The following CCDC141 variants were observed in gnomAD, a reference collection of about 807,000 sequenced individuals.
CCDC141 encodes coiled-coil domain containing 141, also known as coiled-coil domain-containing protein 141.
In CCDC141, 168 loss-of-function variants were observed where a neutral mutation model predicts 181.0. The ratio of observed to expected loss-of-function variants is 0.93; its 90% CI spans 0.82 to 1.05. CCDC141 has a LOEUF of 1.05. CCDC141 is among the 50% of genes least tolerant of loss of function. CCDC141 has a pLI of 0.00. For missense variants in CCDC141, 1,902 were observed against 1,788.5 expected (o/e 1.06, Z -1.14); for synonymous variants, 666 against 642.3 (o/e 1.04, Z -0.56).
At chr2:178,823,188 C>CT in the CCDC141 span, among the ~76,000 whole-genome samples, 149,424 of 152,248 alleles carry the variant, frequency 0.98, 73,385 homozygotes, top group Middle Eastern at 1. Context: ...TATTTTTTCT[C>CT]TGAGTTGGAG....
Position 178,865,807 on chromosome 2 carries a change from C to A in CCDC141, c.2684G>T (p.Arg895Leu), listed in dbSNP as rs769888703. 6.2e-7 allele frequency: 1 copy of A among 1,601,310 alleles called. No individual in the cohort carries two copies. The highest frequency in any genetic ancestry group is 8.5e-7 in the Non-Finnish European group (1 of 1,173,834). Residue 895 changes from arginine (R) to leucine (L), a missense_variant, in exon 17 of 24, where the codon CGT becomes CTT. By Grantham distance (102) the Arg-to-Leu change is moderately radical (BLOSUM62 -2). Transcript: ENST00000443758. ...TCTCATGGCGCAGTACTCCACACTA[C>A]GGGACAGGGTCCGTCCATACTCCTC... ...KAEEYGRTLSRSVEYCAMRDE... is the reference protein window; with the variant it reads ...KAEEYGRTLSLSVEYCAMRDE...
At chr2:178,823,987 TA>T in the CCDC141 span, among the ~76,000 whole-genome samples, 6 of 152,080 alleles carry the variant, frequency 3.9e-5, no homozygotes, top group Admixed American at 1.3e-4. Context: ...GGTGTTTTTC[TA>T]ACCTGATCAC....
chr2:179,045,811 G>A lies in CCDC141; in HGVS notation c.225+1473C>T, dbSNP rs193071247. On this transcript the variant is annotated intron_variant, in intron 2 of 23. Coordinates refer to ENST00000443758, the MANE Select transcript of CCDC141 (RefSeq NM_173648.4). ...ACACTTCTCAAAAGAAGACATTTAT[G>A]CAGCCAAAAAACACATAATGGGGTT... 2.6e-5 allele frequency among the ~76,000 whole-genome samples: 4 copies of A among 152,262 alleles called. 1 individual carries two copies. In the East Asian group the frequency reaches 7.7e-4, roughly 29 times the overall value.
intron 2 of CCDC141, among the ~76,000 whole-genome samples, chr2:179,003,602 T>C (rs2154383662): frequency 6.6e-6 from 1 of 152,306 alleles, no homozygotes; most frequent in East Asian, 1.9e-4. Context: ...TAACTACTAT[T>C]ATTATTGTGT....
At chr2:178,901,886 G>A (rs1687712465) in intron 8 of CCDC141, among the ~76,000 whole-genome samples, 1 of 152,162 alleles carries the variant, frequency 6.6e-6, no homozygotes, top group Admixed American at 6.5e-5. Context: ...ATCTCCTTAA[G>A]CTGATAAGCA....
At chr2:178,868,964 A>C (rs1307659037) in intron 15 of CCDC141, among the ~76,000 whole-genome samples, 153 bp downstream of exon 15, 1 of 152,186 alleles carries the variant, frequency 6.6e-6, no homozygotes, top group Non-Finnish European at 1.5e-5. Context: ...AAAAGGAAGA[A>C]TAGGAACATA....
At chr2:179,025,414 G>A (rs951935402) in intron 2 of CCDC141, among the ~76,000 whole-genome samples, 9 of 152,098 alleles carry the variant, frequency 5.9e-5, no homozygotes, top group East Asian at 1.9e-4. Flanking sequence ...ACTCTCACGA[G>A]ATCTGATGGT....
rs777663150 is a variant in CCDC141 at position 178,868,248 on chromosome 2, A to C, written c.2395-43T>G. ...AACAATTAACCTGGGTTTTATATGA[A>C]GACAAATTTTTTTTTAAGCCTAATT... On this transcript the variant is annotated intron_variant, in intron 15 of 23. Coordinates refer to ENST00000443758, the MANE Select transcript of CCDC141 (RefSeq NM_173648.4). 3.9e-6 allele frequency: 6 copies of C among 1,549,726 alleles called. No homozygotes were observed. In the Admixed American group the frequency reaches 5.3e-5, roughly 14 times the overall value.
the CCDC141 span, among the ~76,000 whole-genome samples, chr2:178,824,061 A>AAAACACACAC: frequency 2.0e-5 from 3 of 147,524 alleles, no homozygotes; most frequent in Non-Finnish European, 4.5e-5. Flanking sequence ...TACAGAGAAA[A>AAAACACACAC]ACACACACAC....
At chr2:178,871,699 C>T (rs1386295399) in intron 13 of CCDC141, 147 bp from the exon 14 acceptor site, 6 of 919,108 alleles carry the variant, frequency 6.5e-6, no homozygotes, top group Middle Eastern at 6.8e-4. Context: ...GGTTCTAAAC[C>T]ACCAAGAAGT....
At chr2:179,023,810 T>A (rs932454275) in intron 2 of CCDC141, among the ~76,000 whole-genome samples, 1 of 152,238 alleles carries the variant, frequency 6.6e-6, no homozygotes, top group African/African-American at 2.4e-5. Context: ...CAAATGGCCC[T>A]GCTCTACCCA....
intron 2 of CCDC141, among the ~76,000 whole-genome samples, chr2:178,994,658 T>C (rs1650455449): frequency 6.6e-6 from 1 of 152,156 alleles, no homozygotes; most frequent in Admixed American, 6.5e-5. Context: ...TCTCAGAAAA[T>C]GGGATTTTCT....
In CCDC141 at chr2:178,984,426, G is replaced by C. The variant is rs1191662780; in HGVS notation, c.226-5751C>G. Among the ~76,000 whole-genome samples the C allele has an allele frequency of 2.7e-5, 4 of 150,784 alleles. No homozygotes were observed. The South Asian group carries it at 8.4e-4, about 32-fold the overall frequency. On this transcript the variant is annotated intron_variant, in intron 2 of 23. Transcript: ENST00000443758. ...CATCAACTAACGAGCAAAATCACCA[G>C]CTAACATCATAATGACAGGATCAAA...
chr2:178,839,706 A>G (rs769261502), intron 22 of CCDC141, among the ~76,000 whole-genome samples: 1 of 152,018 alleles, frequency 6.6e-6, no homozygotes, highest in Non-Finnish European at 1.5e-5. Flanking sequence ...ACTTAGCGAA[A>G]GTGGTTTCCT....
In CCDC141 at chr2:178,906,882, C is replaced by G. The variant is rs1038688847; in HGVS notation, c.1093-1381G>C. On this transcript the variant is annotated intron_variant, in intron 7 of 23. Transcript: ENST00000443758. ...GGAGGTACACAAATGCGCTCATGCC[C>G]CTGTGCCTGCTGCCATCTCAGGGGG... Among the ~76,000 whole-genome samples the G allele has an allele frequency of 2.0e-5, 3 of 152,190 alleles. No individual in the cohort carries two copies. The South Asian group carries it at 6.2e-4, about 32-fold the overall frequency.
intron 14 of CCDC141, among the ~76,000 whole-genome samples, chr2:178,869,781 C>G (rs761665635): frequency 2.0e-5 from 3 of 152,184 alleles, no homozygotes; most frequent in Non-Finnish European, 2.9e-5. Context: ...ACCAGCTGAA[C>G]AGCATAGTAG....
chr2:178,924,486 G>T (rs1404726580), intron 6 of CCDC141, among the ~76,000 whole-genome samples: 2 of 151,262 alleles, frequency 1.3e-5, no homozygotes, highest in East Asian at 1.9e-4. Flanking sequence ...GTCTGCTTAA[G>T]ATTTTTTTTT....
At chr2:178,901,179 AAGG>A (rs1687669741) in intron 8 of CCDC141, among the ~76,000 whole-genome samples, 1 of 152,160 alleles carries the variant, frequency 6.6e-6, no homozygotes, top group African/African-American at 2.4e-5. Context: ...CCAGAGGTAC[AAGG>A]AGGAGCTGGT....
At chr2:178,993,010 A>C (rs1692130140) in intron 2 of CCDC141, among the ~76,000 whole-genome samples, 1 of 152,186 alleles carries the variant, frequency 6.6e-6, no homozygotes, top group Non-Finnish European at 1.5e-5. Flanking sequence ...TGAGTCAATT[A>C]AACCTCTTTC....
Sources: gnomAD v4.1 joint callset for allele counts (sites outside exome capture counted in the v4.1 genomes callset) on GRCh38, gnomAD v4.1.1 for gene constraint, MANE v1.5 for transcripts, NCBI Gene and HGNC (gene_info 2026-07-23, HGNC 2026-07-21) for gene names.